Variants in ZFHX3 observed in about 807,000 individuals in gnomAD.
ZFHX3 encodes zinc finger homeobox 3, also known as zinc finger homeobox protein 3.
A neutral mutation model predicts 279.1 loss-of-function variants in ZFHX3; 42 were observed. That is an observed-to-expected ratio of 0.15 (90% CI 0.12 to 0.19). ZFHX3 has a LOEUF of 0.19. ZFHX3 is among the 10% of genes least tolerant of loss of function. The pLI is 1.00. For missense variants in ZFHX3, 4,981 were observed against 4,754.0 expected, an observed-to-expected ratio of 1.05 and a Z score of -1.40; for synonymous variants, 2,293 against 1,957.8, an observed-to-expected ratio of 1.17 and a Z score of -4.52.
intron 4 of ZFHX3, among the ~76,000 whole-genome samples, chr16:72,855,560 T>C (rs2037734757): frequency 6.6e-6 from 1 of 152,236 alleles, no homozygotes; most frequent in African/African-American, 2.4e-5. Flanking sequence ...CAGTATATCC[T>C]CTGAGCCAGC....
At chr16:73,084,460 A>T (rs1333461580) in intron 8 of ZFHX3, among the ~76,000 whole-genome samples, 2 of 152,180 alleles carry the variant, frequency 1.3e-5, no homozygotes, top group Non-Finnish European at 2.9e-5. Flanking sequence ...AATCTGAAAA[A>T]GAATGTAAGA....
At chr16:73,050,511 C>T (rs1322946540), upstream of ZFHX3, among the ~76,000 whole-genome samples, 2 of 152,240 alleles carry the variant, frequency 1.3e-5, no homozygotes, top group Admixed American at 1.3e-4. Flanking sequence ...AGGGACTACA[C>T]ACAAGCTGGG....
At chr16:73,771,125 A>G (rs2054012863) in intron 1 of ZFHX3, among the ~76,000 whole-genome samples, 1 of 152,196 alleles carries the variant, frequency 6.6e-6, no homozygotes, top group South Asian at 2.1e-4. Flanking sequence ...TGGGGTGATG[A>G]CGGGAAAATG....
chr16:73,292,888 T>C (rs2014809729), intron 4 of ZFHX3, among the ~76,000 whole-genome samples: 1 of 152,224 alleles, frequency 6.6e-6, no homozygotes, highest in Admixed American at 6.5e-5. Flanking sequence ...CTTTCTGGTA[T>C]GTTCCATAGG....
intron 4 of ZFHX3, among the ~76,000 whole-genome samples, chr16:73,300,191 G>A (rs1366246609): frequency 6.7e-6 from 1 of 149,636 alleles, no homozygotes; most frequent in Admixed American, 6.7e-5. Context: ...TTGAGCCCAG[G>A]AGTTTAAGGC....
At chr16:73,867,753 A>T (rs1962064698) in intron 1 of ZFHX3, among the ~76,000 whole-genome samples, 1 of 152,158 alleles carries the variant, frequency 6.6e-6, no homozygotes, top group Non-Finnish European at 1.5e-5. Flanking sequence ...AGATAATTGT[A>T]TCCCCTCCAT....
intron 3 of ZFHX3, among the ~76,000 whole-genome samples, chr16:72,910,404 A>G (rs1329280180): frequency 6.6e-6 from 1 of 152,218 alleles, no homozygotes; most frequent in Non-Finnish European, 1.5e-5. Flanking sequence ...AGGACATCCA[A>G]GAATCTTGGA....
chr16:73,367,556 C>T (rs1459757980), intron 3 of ZFHX3, among the ~76,000 whole-genome samples: 1 of 152,044 alleles, frequency 6.6e-6, no homozygotes, highest in South Asian at 2.1e-4. Flanking sequence ...TTACTGGCCA[C>T]CTCCCACATG....
At chr16:73,013,721 C>G (rs539126523) in intron 1 of ZFHX3, among the ~76,000 whole-genome samples, 11 of 152,192 alleles carry the variant, frequency 7.2e-5, no homozygotes, top group African/African-American at 2.6e-4. Flanking sequence ...CATCTCGAAG[C>G]CTCTTCCCTC....
At chr16:72,839,936 A>G (rs1429403775) in intron 4 of ZFHX3, among the ~76,000 whole-genome samples, 1 of 152,220 alleles carries the variant, frequency 6.6e-6, no homozygotes, top group Non-Finnish European at 1.5e-5. Flanking sequence ...CTGTCTTTCA[A>G]TAACAACCTG....
At chr16:73,035,199 T>C (rs73594780) in intron 1 of ZFHX3, among the ~76,000 whole-genome samples, 4,218 of 152,330 alleles carry the variant, frequency 0.028, 202 homozygotes, top group African/African-American at 0.096. Flanking sequence ...TTTATTAATA[T>C]TGATTACCTG....
chr16:73,534,974 T>C (rs1241746259), intron 2 of ZFHX3, among the ~76,000 whole-genome samples: 2 of 151,958 alleles, frequency 1.3e-5, no homozygotes, highest in African/African-American at 2.4e-5. Flanking sequence ...GCAGGCCCCA[T>C]AGCCACCTAG....
At chr16:73,788,839 C>T (rs559088005) in intron 1 of ZFHX3, among the ~76,000 whole-genome samples, 6 of 151,398 alleles carry the variant, frequency 4.0e-5, no homozygotes, top group Admixed American at 2.0e-4. Flanking sequence ...CTGGGTGTGC[C>T]GGCACGTGCC....
chr16:73,376,408 C>T (rs2016724094), intron 3 of ZFHX3, among the ~76,000 whole-genome samples: 2 of 152,188 alleles, frequency 1.3e-5, no homozygotes, highest in African/African-American at 4.8e-5. Context: ...CTTCACTCAG[C>T]TCGTCCGTAG....
intron 1 of ZFHX3, among the ~76,000 whole-genome samples, chr16:72,967,682 C>T (rs908849570): frequency 2.7e-5 from 4 of 150,780 alleles, no homozygotes; most frequent in Non-Finnish European, 5.9e-5. Flanking sequence ...TTTGGGAGGC[C>T]GAGGCGGGCA....
At chr16:73,219,858 G>T (rs573539409) in intron 5 of ZFHX3, among the ~76,000 whole-genome samples, 1 of 152,186 alleles carries the variant, frequency 6.6e-6, no homozygotes, top group Non-Finnish European at 1.5e-5. Flanking sequence ...AGCCAAAGTG[G>T]GCAGATGACC....
intron 2 of ZFHX3, among the ~76,000 whole-genome samples, chr16:73,538,211 T>C (rs2143743086): frequency 6.6e-6 from 1 of 152,322 alleles, no homozygotes; most frequent in South Asian, 2.1e-4. Context: ...TTTTTAACAC[T>C]AGTCAGCCTA....
At chr16:73,401,616 G>A (rs777224211) in intron 3 of ZFHX3, 4 of 152,150 alleles carry the variant, frequency 2.6e-5, no homozygotes, top group Non-Finnish European at 5.9e-5. Flanking sequence ...GAGGCACAAA[G>A]CCCAGCCCTG....
rs1297647459 is a variant in ZFHX3 at position 72,959,456 on chromosome 16, G to A, written c.690C>T (p.Ser230=). The change falls in exon 2 of 10, where the codon AGC becomes AGT. Residue 230 remains serine, a synonymous_variant. Transcript: ENST00000268489. ...ALAGLSPVLH[S]FRVFDVRHKS... ...TGTGTCGCACGTCAAACACGCGGAAGCTGTGCAGGACGGGGCTGAGCCCCG... is the reference window on the plus strand; with the variant it reads ...TGTGTCGCACGTCAAACACGCGGAAACTGTGCAGGACGGGGCTGAGCCCCG... 6.2e-7 allele frequency: 1 copy of A among 1,614,258 alleles called. No homozygotes were observed. The highest frequency in any genetic ancestry group is 1.1e-5 in the South Asian group (1 of 91,092).
Sources: gnomAD v4.1 joint callset for allele counts (sites outside exome capture counted in the v4.1 genomes callset) on GRCh38, gnomAD v4.1.1 for gene constraint, MANE v1.5 for transcripts, NCBI Gene and HGNC (gene_info 2026-07-23, HGNC 2026-07-21) for gene names.